USH2A: variants seen among roughly 807,000 people sequenced by gnomAD.
The protein encoded by USH2A is Usher syndrome 2A (autosomal recessive, mild).
A neutral mutation model predicts 538.9 loss-of-function variants in USH2A; 443 were observed. That is an observed-to-expected ratio of 0.82 (90% CI 0.76 to 0.89). The LOEUF is 0.89. USH2A is among the 40% of genes least tolerant of loss of function. The pLI is 0.00. For synonymous variants in USH2A, 2,413 were observed against 2,273.5 expected (o/e 1.06, Z -1.75); for missense variants, 6,633 against 6,324.8 (o/e 1.05, Z -1.65).
intron 60 of USH2A, 34 bp from the exon 61 acceptor site, chr1:215,728,418 C>T (rs756328093): frequency 1.2e-6 from 2 of 1,600,996 alleles, no homozygotes; most frequent in Admixed American, 3.3e-5. Context: ...CCAGTGACAG[C>T]TGCACACTTC....
intron 11 of USH2A, among the ~76,000 whole-genome samples, chr1:216,267,281 A>T (rs1257068566): frequency 6.6e-6 from 1 of 152,130 alleles, no homozygotes; most frequent in Non-Finnish European, 1.5e-5. Flanking sequence ...GTTTAAAAAG[A>T]CAGAGGTCCT....
chr1:216,214,597 GA>G (rs1238174527), intron 15 of USH2A, among the ~76,000 whole-genome samples: 1 of 151,962 alleles, frequency 6.6e-6, no homozygotes, highest in African/African-American at 2.4e-5. Flanking sequence ...TGAAATGACA[GA>G]AGTGTTCTAC....
chr1:216,417,547 C>A (rs1370331810), intron 3 of USH2A, among the ~76,000 whole-genome samples: 1 of 152,062 alleles, frequency 6.6e-6, no homozygotes, highest in South Asian at 2.1e-4. Context: ...TTAACACCAT[C>A]CACCTAGTGC....
chr1:215,894,805 G>C (rs1665286661), intron 40 of USH2A, among the ~76,000 whole-genome samples: 2 of 152,148 alleles, frequency 1.3e-5, no homozygotes, highest in African/African-American at 4.8e-5. Flanking sequence ...CGACCGACAG[G>C]ACAACCTGAG....
intron 47 of USH2A, among the ~76,000 whole-genome samples, chr1:215,829,089 C>T (rs146127845): frequency 4.8e-4 from 73 of 151,712 alleles, no homozygotes; most frequent in African/African-American, 1.7e-3. Context: ...CAGACATGTC[C>T]GGGTTATCGA....
chr1:215,627,428 C>T (rs1656079672), intron 71 of USH2A, among the ~76,000 whole-genome samples: 1 of 95,302 alleles, frequency 1.0e-5, no homozygotes, highest in Non-Finnish European at 2.1e-5. Flanking sequence ...TTCCTTCCTT[C>T]CTTCCTTCCT....
intron 29 of USH2A, among the ~76,000 whole-genome samples, chr1:216,070,701 G>A (rs1327349661): frequency 2.6e-5 from 4 of 151,108 alleles, no homozygotes; most frequent in East Asian, 3.9e-4. Context: ...TTATATCTTC[G>A]ATGTATTAGC....
intron 21 of USH2A, among the ~76,000 whole-genome samples, chr1:216,106,371 T>C (rs184549628): frequency 6.6e-6 from 1 of 150,628 alleles, no homozygotes; most frequent in Non-Finnish European, 1.5e-5. Flanking sequence ...TGGTCCTTCA[T>C]CTCTCCTATT....
chr1:216,204,522 T>C (rs965160957), intron 16 of USH2A, among the ~76,000 whole-genome samples: 2 of 152,190 alleles, frequency 1.3e-5, no homozygotes, highest in South Asian at 2.1e-4. Flanking sequence ...CATAGTACAT[T>C]AGGCCAGCTA....
At chr1:215,963,819 T>C (rs1284610904) in intron 37 of USH2A, among the ~76,000 whole-genome samples, 1 of 152,058 alleles carries the variant, frequency 6.6e-6, no homozygotes, top group Non-Finnish European at 1.5e-5. Context: ...TACTAACATG[T>C]AGAGGGTCAT....
intron 35 of USH2A, among the ~76,000 whole-genome samples, chr1:215,990,740 G>T (rs2102474554): frequency 6.7e-6 from 1 of 149,652 alleles, no homozygotes; most frequent in Non-Finnish European, 1.5e-5. Flanking sequence ...TGATGACAGG[G>T]ATTGTTAATC....
chr1:215,628,024 G>A (rs1656122448), intron 71 of USH2A, among the ~76,000 whole-genome samples: 1 of 152,144 alleles, frequency 6.6e-6, no homozygotes, highest in East Asian at 1.9e-4. Context: ...CCACTGGACT[G>A]AAATTATGAA....
intron 18 of USH2A, among the ~76,000 whole-genome samples, chr1:216,197,349 T>C (rs997937637): frequency 4.6e-5 from 7 of 152,162 alleles, no homozygotes; most frequent in African/African-American, 1.4e-4. Context: ...AAGGAACTCA[T>C]TGCACTTTCA....
intron 44 of USH2A, among the ~76,000 whole-genome samples, chr1:215,861,965 G>A (rs552461079): frequency 4.3e-4 from 62 of 145,850 alleles, no homozygotes; most frequent in African/African-American, 1.4e-3. Context: ...TCAGTCTCCC[G>A]ACTAGCTGGG....
chr1:216,286,719 G>C (rs1457270499), intron 11 of USH2A, among the ~76,000 whole-genome samples: 1 of 150,668 alleles, frequency 6.6e-6, no homozygotes, highest in Non-Finnish European at 1.5e-5. Flanking sequence ...GCGAGACTCT[G>C]TCTCTAAATA....
intron 71 of USH2A, among the ~76,000 whole-genome samples, chr1:215,626,596 T>C (rs1656034445): frequency 6.6e-6 from 1 of 152,152 alleles, no homozygotes; most frequent in Non-Finnish European, 1.5e-5. Context: ...ACTGGCACCT[T>C]CAAAAGCTTG....
At chr1:216,082,788 A>G (rs2102558980) in intron 26 of USH2A, among the ~76,000 whole-genome samples, 1 of 152,260 alleles carries the variant, frequency 6.6e-6, no homozygotes, top group African/African-American at 2.4e-5. Flanking sequence ...GAAGAGAAAT[A>G]CTACACAGCC....
intron 11 of USH2A, among the ~76,000 whole-genome samples, chr1:216,254,072 T>G (rs1323913831): frequency 1.3e-5 from 2 of 152,156 alleles, no homozygotes; most frequent in African/African-American, 4.8e-5. Flanking sequence ...GATATTTTTG[T>G]CAATAAAAAC....
At chr1:216,310,002 G>C (rs1348271124) in intron 9 of USH2A, among the ~76,000 whole-genome samples, 1 of 151,980 alleles carries the variant, frequency 6.6e-6, no homozygotes, top group African/African-American at 2.4e-5. Context: ...ATTGGTCTGT[G>C]GTTTTCTTTT....
Sources: gnomAD v4.1 joint callset for allele counts (sites outside exome capture counted in the v4.1 genomes callset) on GRCh38, gnomAD v4.1.1 for gene constraint, MANE v1.5 for transcripts, NCBI Gene and HGNC (gene_info 2026-07-23, HGNC 2026-07-21) for gene names.